Variants in SDHAF4 observed in about 807,000 individuals in gnomAD.
SDHAF4 encodes the protein succinate dehydrogenase assembly factor 4, mitochondrial.
Under a neutral mutation model 14.3 loss-of-function variants are expected in SDHAF4, and 14 were observed. The observed-to-expected ratio is 0.98, with a 90% CI of 0.65 to 1.53. The LOEUF is 1.53. Ranked by LOEUF, SDHAF4 falls within the 40% of genes most tolerant of loss-of-function variation. The pLI, the probability that SDHAF4 is intolerant of heterozygous loss-of-function variation, is 0.00. For missense variants in SDHAF4, 141 were observed against 129.3 expected (o/e 1.09, Z -0.44); for synonymous variants, 63 against 47.3 (o/e 1.33, Z -1.36).
chr6:70,579,489 C>T lies in SDHAF4; in HGVS notation c.140C>T (p.Ser47Phe). 6.2e-7 allele frequency: 1 copy of T among 1,611,858 alleles called. No individual in the cohort carries two copies. Among genetic ancestry groups the T allele is most frequent in the Non-Finnish European group, 8.5e-7 (1 of 1,178,798 alleles). Residue 47 changes from serine to phenylalanine, a missense_variant, in exon 2 of 3, where the codon TCC becomes TTC. Transcript: ENST00000370474. ...QGGKSELVKQSLKKPKLPEGR... is the reference protein window; with the variant it reads ...QGGKSELVKQFLKKPKLPEGR... Reference sequence around the variant, plus strand: ...GGAAAGTCTGAACTTGTCAAACAGTCCCTTAAGAAGCCGAAGTTACCAGAA... The same window carrying T: ...GGAAAGTCTGAACTTGTCAAACAGTTCCTTAAGAAGCCGAAGTTACCAGAA...
At chr6:70,595,835 CAAAAAAA>C in the SDHAF4 span, among the ~76,000 whole-genome samples, 512 of 98,710 alleles carry the variant, frequency 5.2e-3, no homozygotes, top group Non-Finnish European at 7.8e-3. Flanking sequence ...GACTCTATCT[CAAAAAAA>C]AAAAAAAAAA....
At chr6:70,579,361 T>G in intron 1 of SDHAF4, 53 bp from the exon 2 acceptor site, 1 of 1,290,392 alleles carries the variant, frequency 7.7e-7, no homozygotes, top group East Asian at 2.7e-5. Context: ...TATAAATGTT[T>G]AAAGTGGAAT....
At chr6:70,580,450 C>T (rs540634404) in intron 2 of SDHAF4, among the ~76,000 whole-genome samples, 288 of 152,266 alleles carry the variant, frequency 1.9e-3, no homozygotes, top group African/African-American at 6.7e-3. Flanking sequence ...TTAGAACTAC[C>T]GTTTGACCCA....
chr6:70,576,724 AAAAAT>A (rs1802260251), intron 1 of SDHAF4, among the ~76,000 whole-genome samples: 2 of 152,236 alleles, frequency 1.3e-5, no homozygotes, highest in African/African-American at 4.8e-5. Flanking sequence ...CCATCAAACT[AAAAAT>A]AAATACTGTT....
chr6:70,586,740 A>G (rs1002656787), intron 2 of SDHAF4, among the ~76,000 whole-genome samples: 1 of 152,220 alleles, frequency 6.6e-6, no homozygotes, highest in African/African-American at 2.4e-5. Context: ...TTAGTGGGAG[A>G]GACAGACAAT....
the SDHAF4 span, among the ~76,000 whole-genome samples, chr6:70,594,914 G>GA: frequency 0.33 from 45,983 of 138,894 alleles, 7,250 homozygotes; most frequent in Middle Eastern, 0.45. Context: ...CTCCATCTCA[G>GA]AAAAAAAAAA....
At position 70,580,402 on chromosome 6, in the gene SDHAF4, T is replaced by C. The variant is rs140800960; in HGVS notation, c.217+836T>C. Among the ~76,000 whole-genome samples the C allele has an allele frequency of 2.9e-4, 44 of 152,326 alleles. No homozygotes were observed. In the East Asian group the frequency reaches 8.5e-3, roughly 29 times the overall value. On this transcript the variant is annotated intron_variant, in intron 2 of 2. Coordinates refer to ENST00000370474, the MANE Select transcript of SDHAF4 (RefSeq NM_145267.3). ...TGGGAATGTAAAATGTTGCAGCCAC[T>C]GTGGAAAACAGTATGGCCGTTCCTC... is the stretch of plus-strand genomic sequence containing the variant.
intron 1 of SDHAF4, 91 bp downstream of exon 1, chr6:70,567,095 T>G: frequency 7.7e-7 from 1 of 1,297,604 alleles, no homozygotes; most frequent in South Asian, 1.3e-5. Context: ...AAGCCGCGTG[T>G]GTCCTGGCCG....
At chr6:70,571,995 TTTCTC>T (rs1033823807) in intron 1 of SDHAF4, among the ~76,000 whole-genome samples, 2 of 151,634 alleles carry the variant, frequency 1.3e-5, no homozygotes, top group Admixed American at 1.3e-4. Context: ...TCTATTTTGC[TTTCTC>T]TTGTTTTTTT....
intron 1 of SDHAF4, 100 bp downstream of exon 1, chr6:70,567,104 C>A (rs2128532832): frequency 8.2e-7 from 1 of 1,217,268 alleles, no homozygotes. Context: ...GTGTCCTGGC[C>A]GTTCGGTGTT....
intron 1 of SDHAF4, among the ~76,000 whole-genome samples, chr6:70,567,255 C>T (rs978030752): frequency 6.6e-6 from 1 of 152,190 alleles, no homozygotes; most frequent in Non-Finnish European, 1.5e-5. Flanking sequence ...CGCTTCCTAC[C>T]GAGCACGCGG....
Position 70,571,671 on chromosome 6 carries a change from T to G in SDHAF4, c.64+4667T>G, listed in dbSNP as rs113606769. Among the ~76,000 whole-genome samples, 785 of 152,340 alleles carry G rather than the reference T, an allele frequency of 5.2e-3. 5 individuals carry two copies. The highest frequency in any genetic ancestry group is 0.018 in the African/African-American group (735 of 41,588). On this transcript the variant is annotated intron_variant, in intron 1 of 2. Coordinates refer to ENST00000370474, the MANE Select transcript of SDHAF4 (RefSeq NM_145267.3). ...TCATATAATGTACTGGGGATTCTAC[T>G]CACTCTTTTCCCTTCTTTGTTAGAT...
At chr6:70,585,569 T>C (rs1327113913) in intron 2 of SDHAF4, among the ~76,000 whole-genome samples, 1 of 152,134 alleles carries the variant, frequency 6.6e-6, no homozygotes, top group Non-Finnish European at 1.5e-5. Context: ...ACCTAGTCTA[T>C]GGTATTTTGT....
At chr6:70,576,119 C>T (rs1802252430) in intron 1 of SDHAF4, among the ~76,000 whole-genome samples, 2 of 152,202 alleles carry the variant, frequency 1.3e-5, no homozygotes, top group Admixed American at 1.3e-4. Context: ...ATGTGCTTCA[C>T]TACCAACACC....
downstream of SDHAF4, among the ~76,000 whole-genome samples, chr6:70,591,334 ATTTTTTTTTTTT>A (rs76350573): frequency 2.0e-5 from 2 of 101,230 alleles, no homozygotes; most frequent in African/African-American, 4.0e-5. Flanking sequence ...GAGAGGAAAG[ATTTTTTTTTTTT>A]TTTTTTTTTT....
At chr6:70,582,900 C>T (rs541277732) in intron 2 of SDHAF4, among the ~76,000 whole-genome samples, 1 of 152,046 alleles carries the variant, frequency 6.6e-6, no homozygotes, top group Non-Finnish European at 1.5e-5. Context: ...TAGGTTGTCT[C>T]CTTGAAAAGA....
intron 2 of SDHAF4, among the ~76,000 whole-genome samples, chr6:70,580,450 C>A (rs540634404): frequency 6.6e-6 from 1 of 152,148 alleles, no homozygotes; most frequent in African/African-American, 2.4e-5. Flanking sequence ...TTAGAACTAC[C>A]GTTTGACCCA....
the SDHAF4 span, among the ~76,000 whole-genome samples, chr6:70,594,813 G>A: frequency 6.6e-6 from 1 of 151,828 alleles, no homozygotes; most frequent in Non-Finnish European, 1.5e-5. Flanking sequence ...TCGGGAGGCT[G>A]AAGCAGGAGA....
chr6:70,576,186 A>C (rs894094058), intron 1 of SDHAF4, among the ~76,000 whole-genome samples: 8 of 152,194 alleles, frequency 5.3e-5, no homozygotes, highest in African/African-American at 1.9e-4. Flanking sequence ...TGCAGGTGCC[A>C]AGGAGCACAG....
Sources: gnomAD v4.1 joint callset for allele counts (sites outside exome capture counted in the v4.1 genomes callset) on GRCh38, gnomAD v4.1.1 for gene constraint, MANE v1.5 for transcripts, NCBI Gene and HGNC (gene_info 2026-07-23, HGNC 2026-07-21) for gene names.